Variants in NAA15 observed in about 807,000 individuals in gnomAD.
NAA15 encodes the protein N-terminal acetyltransferase.
In NAA15, 34 loss-of-function variants were observed where a neutral mutation model predicts 114.0. That is an observed-to-expected ratio of 0.30 (90% CI 0.23 to 0.40). The LOEUF (loss-of-function observed/expected upper bound fraction) is 0.40. Among genes scored for constraint, NAA15 ranks in the 10% least tolerant of loss-of-function variants. The pLI is 1.00. For missense variants in NAA15, 658 were observed against 1,004.5 expected (o/e 0.66, Z 4.66); for synonymous variants, 340 against 338.0 (o/e 1.01, Z -0.06).
At chr4:139,379,212 T>G (rs992456992) in intron 17 of NAA15, 1 of 165,024 alleles carries the variant, frequency 6.1e-6, no homozygotes, top group Non-Finnish European at 1.3e-5. Flanking sequence ...TTCTCCTTAT[T>G]TATCTGTATT....
rs1749052037 is a variant in NAA15 at position 139,391,315 on chromosome 4, CTT to C, written c.*3232_*3233del. 1 of 152,182 alleles carries C rather than the reference CTT, an allele frequency of 6.6e-6. No homozygotes were observed. Among genetic ancestry groups the C allele is most frequent in the Non-Finnish European group, 1.5e-5 (1 of 68,026 alleles). The allele number at this position is 152,182 out of a possible 1,614,324, so 9.4% of individuals were successfully genotyped here. A position where few individuals can be genotyped will look rare whatever the true frequency, so the allele number is the denominator to read the frequency against. On this transcript the variant is annotated 3_prime_UTR_variant, in exon 20 of 20. Coordinates refer to ENST00000296543, the MANE Select transcript of NAA15 (RefSeq NM_057175.5). ...TGTGTTACACCATAGTGAGCAGAAA[CTT>C]AAATTTTGTTCTAATTTTGATGGTT...
chr4:139,366,339 T>C (rs1212324984), intron 14 of NAA15, among the ~76,000 whole-genome samples: 1 of 152,134 alleles, frequency 6.6e-6, no homozygotes, highest in Non-Finnish European at 1.5e-5. Context: ...CATGAGACCT[T>C]AGTTCTTAGT....
Position 139,344,274 on chromosome 4 carries a change from C to A in NAA15, c.626C>A (p.Ala209Asp). The change falls in exon 6 of 20, where the codon GCT becomes GAT. Residue 209 changes from alanine to aspartate, a missense_variant. This residue lies in a region of NAA15 where 281 missense variants were observed against 389.1 expected (regional missense o/e 0.72). Coordinates refer to ENST00000296543, the MANE Select transcript of NAA15 (RefSeq NM_057175.5). ...CGGGAAGCAGGTCTCTATAGAGAAG[C>A]TTTGGAACATCTTTGTACCTATGAA... The part of the protein sequence containing the change: ...VLREAGLYRE[A>D]LEHLCTYEKQ... The A allele has an allele frequency of 6.2e-7, 1 of 1,613,060 alleles. No homozygotes were observed. The highest frequency in any genetic ancestry group is 8.5e-7 in the Non-Finnish European group (1 of 1,179,356).
chr4:139,362,251 T>G (rs1406681128), intron 14 of NAA15, among the ~76,000 whole-genome samples: 2 of 152,352 alleles, frequency 1.3e-5, no homozygotes, highest in East Asian at 3.9e-4. Context: ...TAATTAGTAT[T>G]ATAATTCTAC....
intron 17 of NAA15, among the ~76,000 whole-genome samples, chr4:139,383,983 A>G (rs756834014): frequency 3.9e-5 from 6 of 152,172 alleles, no homozygotes; most frequent in South Asian, 2.1e-4. Flanking sequence ...CTGTGATACT[A>G]TTTACCAGGT....
chr4:139,340,325 A>C (rs1747339866), intron 3 of NAA15, among the ~76,000 whole-genome samples: 1 of 152,216 alleles, frequency 6.6e-6, no homozygotes, highest in African/African-American at 2.4e-5. Context: ...TGTCTCAAAA[A>C]AAGGGAAAGA....
At chr4:139,310,762 G>A (rs1746195867) in intron 1 of NAA15, among the ~76,000 whole-genome samples, 1 of 151,620 alleles carries the variant, frequency 6.6e-6, no homozygotes, top group Non-Finnish European at 1.5e-5. Flanking sequence ...GGGATTCCAG[G>A]TGCCTCCTAC....
intron 1 of NAA15, among the ~76,000 whole-genome samples, chr4:139,328,093 G>A: frequency 6.6e-6 from 1 of 151,096 alleles, no homozygotes; most frequent in Non-Finnish European, 1.5e-5. Flanking sequence ...GGTTTCTGTT[G>A]CTATGTCTGT....
At chr4:139,380,293 A>G (rs1748713040) in intron 17 of NAA15, among the ~76,000 whole-genome samples, 3 of 151,888 alleles carry the variant, frequency 2.0e-5, no homozygotes, top group African/African-American at 7.2e-5. Flanking sequence ...CTTTGCAATC[A>G]TGGGTCAGAA....
At position 139,358,209 on chromosome 4, in the gene NAA15, GAGAGAA is replaced by G. The variant is rs1330541566; in HGVS notation, c.1257+659_1257+664del. Among the ~76,000 whole-genome samples, 20 of 148,036 alleles carry G rather than the reference GAGAGAA, an allele frequency of 1.4e-4. No homozygotes were observed. In the South Asian group the frequency reaches 4.1e-3, roughly 30 times the overall value. ...TGTTTTTGTTTTTTTTTTTTTGAGA[GAGAGAA>G]AGAGTCTCACTGCATCACCCAGGCT... On this transcript the variant is annotated intron_variant, in intron 11 of 19. Transcript: ENST00000296543.
rs56025831 is a variant in NAA15 at position 139,328,573 on chromosome 4, CT to C, written c.55-5588del. 6.7e-4 allele frequency among the ~76,000 whole-genome samples: 89 copies of C among 132,332 alleles called. 1 individual carries two copies. The highest frequency in any genetic ancestry group is 7.0e-4 in the Non-Finnish European group (44 of 62,794). The allele number at this position is 132,332 out of a possible 152,430, so 86.8% of individuals were successfully genotyped here. A position where few individuals can be genotyped will look rare whatever the true frequency, so the allele number is the denominator to read the frequency against. ...TTTTCTTTTTCTTTTTCTTTCTTTT[CT>C]TTTTTTTTTTTTGAGATGGAGTCTC... On this transcript the variant is annotated intron_variant, in intron 1 of 19. Transcript: ENST00000296543.
intron 15 of NAA15, 111 bp from the exon 16 acceptor site, chr4:139,376,254 G>A (rs1748577542): frequency 4.6e-6 from 3 of 651,394 alleles, no homozygotes; most frequent in Admixed American, 3.0e-5. Flanking sequence ...GTGTTTTTCT[G>A]GGTGACTGGT....
chr4:139,341,447 T>G (rs1747384949), intron 4 of NAA15, among the ~76,000 whole-genome samples: 1 of 151,050 alleles, frequency 6.6e-6, no homozygotes, highest in Admixed American at 6.6e-5. Context: ...TACAAAAAAT[T>G]AGCTAGGCGT....
chr4:139,334,941 CACTTTCTTTCACTGTGTTTCACTTTAT>C (rs1481541032), intron 2 of NAA15, among the ~76,000 whole-genome samples: 9 of 152,198 alleles, frequency 5.9e-5, no homozygotes, highest in African/African-American at 2.2e-4. Flanking sequence ...TTTATAATCT[CACTTTCTTTCACTGTGTTTCACTTTAT>C]ACTTTCTTTT....
chr4:139,311,420 G>A (rs1031761447), intron 1 of NAA15, among the ~76,000 whole-genome samples: 1 of 151,964 alleles, frequency 6.6e-6, no homozygotes, highest in Non-Finnish European at 1.5e-5. Flanking sequence ...TTGGAGAAGG[G>A]AGTTAAGCTG....
At chr4:139,311,615 G>A (rs186973114) in intron 1 of NAA15, among the ~76,000 whole-genome samples, 1 of 151,974 alleles carries the variant, frequency 6.6e-6, no homozygotes, top group African/African-American at 2.4e-5. Context: ...TTTGGCATTG[G>A]AGGAGAAATG....
At chr4:139,310,897 G>A (rs1746202601) in intron 1 of NAA15, among the ~76,000 whole-genome samples, 2 of 151,258 alleles carry the variant, frequency 1.3e-5, no homozygotes, top group South Asian at 2.1e-4. Context: ...GGAATTACAG[G>A]TGTGAGCCAT....
intron 1 of NAA15, among the ~76,000 whole-genome samples, chr4:139,313,786 C>G (rs1235193267): frequency 6.6e-6 from 1 of 151,822 alleles, no homozygotes; most frequent in Non-Finnish European, 1.5e-5. Flanking sequence ...ATCTGCCCGC[C>G]TCGGCCTACC....
At chr4:139,371,721 T>C (rs1303090780) in intron 15 of NAA15, among the ~76,000 whole-genome samples, 3 of 152,076 alleles carry the variant, frequency 2.0e-5, no homozygotes, top group Admixed American at 6.6e-5. Flanking sequence ...AGAATTTCAG[T>C]CATTCAGGGC....
Sources: gnomAD v4.1 joint callset for allele counts (sites outside exome capture counted in the v4.1 genomes callset) on GRCh38, gnomAD v4.1.1 for gene constraint, gnomAD v4.1.1 regional missense constraint, MANE v1.5 for transcripts, NCBI Gene and HGNC (gene_info 2026-07-23, HGNC 2026-07-21) for gene names.